Variants in MGAT4A observed in about 807,000 individuals in gnomAD.
MGAT4A encodes the protein alpha-1,3-mannosyl-glycoprotein 4-beta-N-acetylglucosaminyltransferase A, also known as N-acetylglucosaminyltransferase IVa.
A neutral mutation model predicts 74.1 loss-of-function variants in MGAT4A; 33 were observed. The ratio of observed to expected loss-of-function variants is 0.45; its 90% CI spans 0.34 to 0.60. MGAT4A has a LOEUF of 0.60. MGAT4A is among the 20% of genes least tolerant of loss of function. The pLI is 0.02. For missense variants in MGAT4A, 479 were observed against 628.3 expected (o/e 0.76, Z 2.54); for synonymous variants, 198 against 210.4 (o/e 0.94, Z 0.51).
rs1330709517 is a variant in MGAT4A at position 98,625,382 on chromosome 2, C to A, written c.*184G>T. ...TTTGAGTCAAGTTAAAATCTGAGGA[C>A]AGCTTAGTTTCAAACAAATACAATT... On this transcript the variant is annotated 3_prime_UTR_variant, in exon 16 of 16. Coordinates refer to ENST00000393487, the MANE Select transcript of MGAT4A (RefSeq NM_012214.3). 2.1e-6 allele frequency: 3 copies of A among 1,401,694 alleles called. No individual in the cohort carries two copies. In the African/African-American group the frequency reaches 4.4e-5, roughly 21 times the overall value. The allele number at this position is 1,401,694 out of a possible 1,614,324, so 86.8% of individuals were successfully genotyped here. A position where few individuals can be genotyped will look rare whatever the true frequency, so the allele number is the denominator to read the frequency against.
At chr2:98,725,458 C>T (rs1440027902) in intron 2 of MGAT4A, among the ~76,000 whole-genome samples, 1 of 152,106 alleles carries the variant, frequency 6.6e-6, no homozygotes, top group Non-Finnish European at 1.5e-5. Context: ...GCAACAGCAG[C>T]TTCAAATAGC....
In MGAT4A at chr2:98,620,373, T is replaced by C. The variant is rs1701043784; in HGVS notation, c.*5193A>G. 1 of 152,228 alleles carries C rather than the reference T, an allele frequency of 6.6e-6. No homozygotes were observed. Among genetic ancestry groups the C allele is most frequent in the Non-Finnish European group, 1.5e-5 (1 of 68,042 alleles). 9.4% of individuals were successfully genotyped at this position (152,228 alleles called of 1,614,324 possible). A position where few individuals can be genotyped will look rare whatever the true frequency, so the allele number is the denominator to read the frequency against. On this transcript the variant is annotated 3_prime_UTR_variant, in exon 16 of 16. Coordinates refer to ENST00000393487, the MANE Select transcript of MGAT4A (RefSeq NM_012214.3). ...ATAAAGGGATTGGACTGGATAAAGT[T>C]CCCTTAAAACACTAAGGTATGGTTA... is the stretch of plus-strand genomic sequence containing the variant.
chr2:98,653,897 A>G (rs1701618791), intron 8 of MGAT4A, among the ~76,000 whole-genome samples: 1 of 152,228 alleles, frequency 6.6e-6, no homozygotes, highest in African/African-American at 2.4e-5. Flanking sequence ...TCCCTGATGC[A>G]AAAATCCTCA....
chr2:98,677,679 C>G (rs1701993974), intron 3 of MGAT4A, among the ~76,000 whole-genome samples: 1 of 152,060 alleles, frequency 6.6e-6, no homozygotes, highest in African/African-American at 2.4e-5. Context: ...TCTTGAACTC[C>G]TGACCACAAA....
chr2:98,685,228 C>A (rs1395738702), intron 2 of MGAT4A, among the ~76,000 whole-genome samples: 3 of 141,654 alleles, frequency 2.1e-5, no homozygotes, highest in African/African-American at 8.0e-5. Flanking sequence ...TAGAGCAAGA[C>A]CCTGTCTCTT....
rs771291407 is a variant in MGAT4A at position 98,726,299 on chromosome 2, A to C, written c.34T>G (p.Leu12Val). The change falls in exon 2 of 16, where the codon TTA (leucine) becomes GTA (valine). Residue 12 changes from leucine (L) to valine (V), a missense_variant. Leu to Val is a conservative substitution (Grantham distance 32, BLOSUM62 1). Transcript: ENST00000393487. ...GTAAGGAAGGAAGTGATAAATGCTA[A>C]AGCAGTGGCTACAGTTCCATTGCGG... Reference protein sequence around the residue: ...RLRNGTVATALAFITSFLTLS... With the variant: ...RLRNGTVATAVAFITSFLTLS... 2 of 1,614,126 alleles carry C rather than the reference A, an allele frequency of 1.2e-6. No homozygotes were observed. Among genetic ancestry groups the C allele is most frequent in the Non-Finnish European group, 1.7e-6 (2 of 1,179,942 alleles).
chr2:98,658,760 G>T (rs919602498), intron 5 of MGAT4A, among the ~76,000 whole-genome samples: 1 of 152,082 alleles, frequency 6.6e-6, no homozygotes, highest in Non-Finnish European at 1.5e-5. Context: ...ATAAAAAACT[G>T]CTATTATTAC....
chr2:98,637,642 C>T (rs1559155964), intron 12 of MGAT4A, among the ~76,000 whole-genome samples: 1 of 152,170 alleles, frequency 6.6e-6, no homozygotes, highest in African/African-American at 2.4e-5. Flanking sequence ...CTAAACCTAA[C>T]TCTAGTTCAG....
At chr2:98,710,036 GA>G (rs201400536) in intron 2 of MGAT4A, among the ~76,000 whole-genome samples, 1 of 149,094 alleles carries the variant, frequency 6.7e-6, no homozygotes, top group African/African-American at 2.5e-5. Flanking sequence ...GGTTAAATTG[GA>G]AAAAAAAACA....
At chr2:98,716,177 G>A (rs1035918753) in intron 2 of MGAT4A, among the ~76,000 whole-genome samples, 1 of 151,972 alleles carries the variant, frequency 6.6e-6, no homozygotes, top group South Asian at 2.1e-4. Flanking sequence ...GCAATTAGCC[G>A]GGCATGGTAG....
At chr2:98,690,144 C>T (rs1187033089) in intron 2 of MGAT4A, among the ~76,000 whole-genome samples, 1 of 152,192 alleles carries the variant, frequency 6.6e-6, no homozygotes, top group Non-Finnish European at 1.5e-5. Context: ...GGTCCCATCC[C>T]CACTCTATCA....
intron 7 of MGAT4A, 83 bp from the exon 8 acceptor site, chr2:98,655,603 T>C: frequency 1.2e-6 from 1 of 852,876 alleles, no homozygotes; most frequent in Non-Finnish European, 1.9e-6. Context: ...ATGTCAAATG[T>C]CTACATAACA....
intron 14 of MGAT4A, among the ~76,000 whole-genome samples, chr2:98,631,935 C>G: frequency 6.6e-6 from 1 of 151,906 alleles, no homozygotes; most frequent in East Asian, 1.9e-4. Flanking sequence ...CATGGCGAAA[C>G]CCCGCCTCTA....
chr2:98,636,642 T>C (rs758177222), intron 12 of MGAT4A, 47 bp from the exon 13 acceptor site: 1 of 1,536,254 alleles, frequency 6.5e-7, no homozygotes, highest in South Asian at 1.1e-5. Context: ...GGCTAGATTT[T>C]ACAAAGATTC....
chr2:98,684,118 G>A (rs1418958703), intron 2 of MGAT4A, among the ~76,000 whole-genome samples: 7 of 152,092 alleles, frequency 4.6e-5, no homozygotes, highest in Non-Finnish European at 1.0e-4. Context: ...TATATTTCCC[G>A]TAATACTATA....
chr2:98,642,129 T>C (rs965350469), intron 10 of MGAT4A, among the ~76,000 whole-genome samples: 2 of 152,068 alleles, frequency 1.3e-5, no homozygotes, highest in Non-Finnish European at 2.9e-5. Context: ...AAATAGTGTA[T>C]TTTCTTTGCA....
chr2:98,630,985 C>G (rs1370990403), intron 14 of MGAT4A, among the ~76,000 whole-genome samples: 1 of 152,198 alleles, frequency 6.6e-6, no homozygotes, highest in Non-Finnish European at 1.5e-5. Flanking sequence ...ACCCCACACT[C>G]CTGGCATTGA....
intron 2 of MGAT4A, among the ~76,000 whole-genome samples, chr2:98,712,877 T>C (rs986366803): frequency 1.3e-5 from 2 of 152,224 alleles, no homozygotes; most frequent in African/African-American, 4.8e-5. Flanking sequence ...AAATGCCCTT[T>C]TGGGCCAGGC....
chr2:98,641,499 C>CAAAAAAAAAAAA (rs1205460540), intron 10 of MGAT4A, among the ~76,000 whole-genome samples: 7 of 75,250 alleles, frequency 9.3e-5, no homozygotes, highest in Non-Finnish European at 1.5e-4. Context: ...ACTAAAAATA[C>CAAAAAAAAAAAA]AAAAAAAAAA....
Sources: allele counts gnomAD v4.1 joint callset (sites outside exome capture counted in the v4.1 genomes callset), GRCh38; gene constraint gnomAD v4.1.1; transcripts MANE v1.5; gene names NCBI Gene and HGNC (gene_info 2026-07-23, HGNC 2026-07-21).